WWC1: variants seen among roughly 807,000 people sequenced by gnomAD.
The protein encoded by WWC1 is WW and C2 domain containing 1.
WWC1 carries 55 observed loss-of-function variants against 138.4 expected under a neutral mutation model. That is an observed-to-expected ratio of 0.40 (90% CI 0.32 to 0.50). The LOEUF is 0.50. Among genes scored for constraint, WWC1 ranks in the 20% least tolerant of loss-of-function variants. The probability of loss-of-function intolerance (pLI) is 0.72; values close to 1 mark genes in which losing one functional copy is unlikely to be tolerated. For missense variants in WWC1, 1,226 were observed against 1,420.4 expected, an observed-to-expected ratio of 0.86 and a Z score of 2.20; for synonymous variants, 524 against 564.9, an observed-to-expected ratio of 0.93 and a Z score of 1.03.
chr5:168,430,081 A>G (rs746188491), intron 13 of WWC1, 56 bp from the exon 14 acceptor site: 7 of 1,358,300 alleles, frequency 5.2e-6, no homozygotes, highest in Non-Finnish European at 7.3e-6. Context: ...GAGAGAAGGA[A>G]TGAGAGAGAT....
intron 1 of WWC1, among the ~76,000 whole-genome samples, chr5:168,318,806 C>T (rs150240078): frequency 0.032 from 4,860 of 152,042 alleles, 262 homozygotes; most frequent in African/African-American, 0.11. Context: ...GTGATCTGCC[C>T]GCCTTGGCCT....
At chr5:168,385,540 T>C (rs1457825067) in intron 3 of WWC1, 126 bp downstream of exon 3, 1 of 922,080 alleles carries the variant, frequency 1.1e-6, no homozygotes, top group Non-Finnish European at 1.6e-6. Flanking sequence ...CAAACCACCA[T>C]CTTGTTTACT....
chr5:168,321,640 C>T (rs950659887), intron 1 of WWC1, among the ~76,000 whole-genome samples: 6 of 151,504 alleles, frequency 4.0e-5, no homozygotes, highest in South Asian at 2.1e-4. Flanking sequence ...TGGGTTCAAG[C>T]GATTCTCCTG....
At chr5:168,364,177 A>G (rs1198152125) in intron 1 of WWC1, among the ~76,000 whole-genome samples, 1 of 152,094 alleles carries the variant, frequency 6.6e-6, no homozygotes, top group African/African-American at 2.4e-5. Context: ...CAAGCAGGTT[A>G]CATAACCCAC....
rs553998941 is a variant in WWC1, at chr5:168,402,628, C to G, written c.590+3061C>G. Among the ~76,000 whole-genome samples the G allele has an allele frequency of 1.6e-4, 25 of 152,252 alleles. No individual in the cohort carries two copies. In the South Asian group the frequency reaches 5.0e-3, roughly 30 times the overall value. On this transcript the variant is annotated intron_variant, in intron 5 of 22. Coordinates refer to ENST00000265293, the MANE Select transcript of WWC1 (RefSeq NM_015238.3). ...CACCTCATTTCATTCTCTTCACCCC[C>G]CTTTTAAGAGACGTTTTTGTCCTGC...
intron 1 of WWC1, among the ~76,000 whole-genome samples, chr5:168,351,856 T>C (rs1402038349): frequency 6.6e-6 from 1 of 152,140 alleles, no homozygotes; most frequent in East Asian, 1.9e-4. Flanking sequence ...TTGAGTAGAC[T>C]CCACTCAGAA....
rs151272177 is a variant in WWC1 at position 168,462,761 on chromosome 5, C to T, written c.2917-1968C>T. Among the ~76,000 whole-genome samples, 289 of 152,366 alleles carry T rather than the reference C, an allele frequency of 1.9e-3. 3 individuals are homozygous for T. In the East Asian group the frequency reaches 0.034, roughly 18 times the overall value. On this transcript the variant is annotated intron_variant, in intron 20 of 22. Coordinates refer to ENST00000265293, the MANE Select transcript of WWC1 (RefSeq NM_015238.3). ...GGAACAGGAGAATCCAGAGGCTGGGCCTGGGCCCTTGGGCACTGCTCCTTG... is the reference window on the plus strand; with the variant it reads ...GGAACAGGAGAATCCAGAGGCTGGGTCTGGGCCCTTGGGCACTGCTCCTTG...
Position 168,428,155 on chromosome 5 carries a change from T to C in WWC1, c.1919+14T>C. On this transcript the variant is annotated intron_variant, in intron 12 of 22. Coordinates refer to ENST00000265293, the MANE Select transcript of WWC1 (RefSeq NM_015238.3). ...TTCCGTGCAGAGGTAGGTGTCTGGG[T>C]GCTGGCTCTCTCTGTGGCCCTGTAA... 1 of 1,609,440 alleles carries C rather than the reference T, an allele frequency of 6.2e-7. No individual in the cohort carries two copies. Among genetic ancestry groups the C allele is most frequent in the Non-Finnish European group, 8.5e-7 (1 of 1,176,612 alleles).
intron 20 of WWC1, among the ~76,000 whole-genome samples, chr5:168,462,842 G>A (rs921361274): frequency 6.6e-6 from 1 of 152,240 alleles, no homozygotes; most frequent in Non-Finnish European, 1.5e-5. Flanking sequence ...CAACTTCTGA[G>A]ACTGGACAGA....
At chr5:168,331,163 A>G (rs17070081) in intron 1 of WWC1, among the ~76,000 whole-genome samples, 24,243 of 152,178 alleles carry the variant, frequency 0.16, 2,062 homozygotes, top group African/African-American at 0.19. Flanking sequence ...GCAATGGAGT[A>G]CCTTGTGGAC....
intron 19 of WWC1, among the ~76,000 whole-genome samples, chr5:168,458,070 G>A (rs944418513): frequency 2.6e-5 from 4 of 152,198 alleles, no homozygotes; most frequent in Non-Finnish European, 5.9e-5. Context: ...TTCATCAGTG[G>A]GAGGTTGGCT....
intron 5 of WWC1, 53 bp downstream of exon 5, chr5:168,399,620 C>G: frequency 6.4e-7 from 1 of 1,552,024 alleles, no homozygotes; most frequent in South Asian, 1.1e-5. Context: ...CCCTGGTTCC[C>G]CTCCTGTCCT....
intron 1 of WWC1, among the ~76,000 whole-genome samples, chr5:168,364,564 C>T (rs1399667515): frequency 6.6e-6 from 1 of 152,214 alleles, no homozygotes; most frequent in Non-Finnish European, 1.5e-5. Context: ...GAAGCAGAAA[C>T]ATGGCTTCTT....
intron 20 of WWC1, among the ~76,000 whole-genome samples, chr5:168,464,476 G>T (rs1048887282): frequency 6.6e-6 from 1 of 152,096 alleles, no homozygotes; most frequent in African/African-American, 2.4e-5. Context: ...TAACCCTCGG[G>T]ACCTCCTAGG....
chr5:168,341,129 G>A (rs910927874), intron 1 of WWC1, among the ~76,000 whole-genome samples: 9 of 152,160 alleles, frequency 5.9e-5, no homozygotes, highest in Non-Finnish European at 1.2e-4. Context: ...GAAGACACGG[G>A]AAATAACTAC....
At chr5:168,313,580 G>C (rs965136870) in intron 1 of WWC1, among the ~76,000 whole-genome samples, 4 of 150,046 alleles carry the variant, frequency 2.7e-5, no homozygotes, top group African/African-American at 7.4e-5. Context: ...GACAGAGCGA[G>C]ACTGTCTCAA....
chr5:168,316,066 C>G (rs1042762465), intron 1 of WWC1, among the ~76,000 whole-genome samples: 3 of 152,332 alleles, frequency 2.0e-5, no homozygotes, highest in African/African-American at 4.8e-5. Flanking sequence ...GGCCTCCCCC[C>G]TCTTTTCAGG....
intron 1 of WWC1, among the ~76,000 whole-genome samples, chr5:168,306,288 C>T (rs1025353084): frequency 5.3e-5 from 8 of 152,094 alleles, no homozygotes; most frequent in Non-Finnish European, 7.4e-5. Context: ...ACCAGCTACT[C>T]GGGAGGCTGA....
chr5:168,304,095 A>G (rs1770331324), intron 1 of WWC1, among the ~76,000 whole-genome samples: 1 of 152,242 alleles, frequency 6.6e-6, no homozygotes, highest in Non-Finnish European at 1.5e-5. Flanking sequence ...TAATAATCAC[A>G]TTAGACATCT....
Sources: allele counts gnomAD v4.1 joint callset (sites outside exome capture counted in the v4.1 genomes callset), GRCh38; gene constraint gnomAD v4.1.1; transcripts MANE v1.5; gene names NCBI Gene and HGNC (gene_info 2026-07-23, HGNC 2026-07-21).